Variants in ANKRD29 observed in about 807,000 individuals in gnomAD.
ANKRD29 encodes ankyrin repeat domain-containing protein 29.
In ANKRD29, 32 loss-of-function variants were observed where a neutral mutation model predicts 38.0. The observed-to-expected ratio is 0.84, with a 90% CI of 0.64 to 1.13. The LOEUF is 1.13. Among genes scored for constraint, ANKRD29 ranks in the 50% most tolerant of loss-of-function variants. ANKRD29 has a pLI of 0.00. For missense variants in ANKRD29, 357 were observed against 377.9 expected (o/e 0.94, Z 0.46); for synonymous variants, 135 against 152.4 (o/e 0.89, Z 0.84).
At chr18:23,628,406 G>T (rs763119808) in intron 6 of ANKRD29, among the ~76,000 whole-genome samples, 24 of 152,182 alleles carry the variant, frequency 1.6e-4, no homozygotes, top group Non-Finnish European at 2.9e-4. Flanking sequence ...TATTCATTAT[G>T]TGAACACAGA....
chr18:23,619,741 C>T, intron 6 of ANKRD29, 112 bp from the exon 7 acceptor site: 1 of 838,446 alleles, frequency 1.2e-6, no homozygotes, highest in Non-Finnish European at 1.8e-6. Flanking sequence ...AAGGCACTCC[C>T]TGACCGCAGA....
intron 8 of ANKRD29, among the ~76,000 whole-genome samples, chr18:23,613,416 C>T (rs1281415480): frequency 2.0e-5 from 3 of 151,872 alleles, no homozygotes; most frequent in African/African-American, 4.8e-5. Context: ...AGGTGTTTTG[C>T]CCACCTCAGC....
At chr18:23,614,268 G>A (rs2145646678) in intron 8 of ANKRD29, among the ~76,000 whole-genome samples, 1 of 152,062 alleles carries the variant, frequency 6.6e-6, no homozygotes, top group East Asian at 1.9e-4. Flanking sequence ...CACCACATTG[G>A]CCAAGCTGGT....
At chr18:23,612,283 G>T in intron 8 of ANKRD29, 93 bp from the exon 9 acceptor site, 1 of 1,126,786 alleles carries the variant, frequency 8.9e-7, no homozygotes, top group Non-Finnish European at 1.3e-6. Flanking sequence ...TGATAAGACT[G>T]TAACCTCATA....
chr18:23,662,741 G>A lies in ANKRD29; in HGVS notation c.-11C>T. ...GGACATCCTGCACATGTCCGCGGCC[G>A]CCCGAGCGGGAGCCGGCGCGCTTTG... is the stretch of plus-strand genomic sequence containing the variant. On this transcript the variant is annotated 5_prime_UTR_variant, in exon 1 of 10. Coordinates refer to ENST00000592179, the MANE Select transcript of ANKRD29 (RefSeq NM_173505.4). 1 of 1,462,652 alleles carries A rather than the reference G, an allele frequency of 6.8e-7. No individual in the cohort carries two copies. Among genetic ancestry groups the A allele is most frequent in the Non-Finnish European group, 9.0e-7 (1 of 1,110,908 alleles). 90.6% of individuals were successfully genotyped at this position (1,462,652 alleles called of 1,614,324 possible).
At chr18:23,632,262 T>C (rs952696259) in intron 5 of ANKRD29, among the ~76,000 whole-genome samples, 1 of 152,056 alleles carries the variant, frequency 6.6e-6, no homozygotes, top group Admixed American at 6.6e-5. Context: ...TTTTTAACTC[T>C]CAGGAATTTT....
chr18:23,631,102 A>G (rs2059926329), intron 5 of ANKRD29, among the ~76,000 whole-genome samples: 1 of 152,028 alleles, frequency 6.6e-6, no homozygotes, highest in Non-Finnish European at 1.5e-5. Flanking sequence ...TGCAAGAATT[A>G]AGATACAATA....
At chr18:23,629,973 G>A (rs375135971) in intron 5 of ANKRD29, 22 bp from the exon 6 acceptor site, 7 of 1,588,186 alleles carry the variant, frequency 4.4e-6, no homozygotes, top group Non-Finnish European at 6.0e-6. Flanking sequence ...CAAATTAAAA[G>A]CATTAAAAAC....
intron 1 of ANKRD29, among the ~76,000 whole-genome samples, chr18:23,651,342 G>A (rs1044503968): frequency 6.6e-6 from 1 of 152,212 alleles, no homozygotes; most frequent in African/African-American, 2.4e-5. Context: ...AAGGCAAACT[G>A]CAACCATGGT....
intron 4 of ANKRD29, 65 bp downstream of exon 4, chr18:23,638,784 G>T: frequency 1.5e-6 from 2 of 1,302,446 alleles, no homozygotes; most frequent in Non-Finnish European, 2.1e-6. Flanking sequence ...TAGATGAGGA[G>T]AAAAGCAATA....
At chr18:23,610,065 A>G (rs2059621230) in intron 9 of ANKRD29, among the ~76,000 whole-genome samples, 1 of 152,242 alleles carries the variant, frequency 6.6e-6, no homozygotes, top group Non-Finnish European at 1.5e-5. Context: ...TTATTAAAAA[A>G]AAATTTAACA....
intron 3 of ANKRD29, among the ~76,000 whole-genome samples, chr18:23,645,270 G>C (rs1320857670): frequency 6.6e-6 from 1 of 152,130 alleles, no homozygotes; most frequent in Non-Finnish European, 1.5e-5. Flanking sequence ...TATGGATGGA[G>C]CTTTCTCAGA....
In ANKRD29 at chr18:23,600,521, C is replaced by T. The variant is rs2298701; in HGVS notation, c.*705G>A. On this transcript the variant is annotated 3_prime_UTR_variant, in exon 10 of 10. Coordinates refer to ENST00000592179, the MANE Select transcript of ANKRD29 (RefSeq NM_173505.4). ...ATTTGCCACTGGTATTTTAACCTAC[C>T]TACAATGTTGACTCTACGTAAAATT... is the stretch of plus-strand genomic sequence containing the variant. 2,498 of 152,616 alleles carry T rather than the reference C, an allele frequency of 0.016. 100 individuals carry two copies. Among genetic ancestry groups the T allele is most frequent in the East Asian group, 0.16 (847 of 5,176 alleles). The allele number at this position is 152,616 out of a possible 1,614,324, so 9.5% of individuals were successfully genotyped here.
In ANKRD29 at chr18:23,661,931, T is replaced by A. The variant is rs143677357; in HGVS notation, c.21+779A>T. Among the ~76,000 whole-genome samples, 1,271 of 151,108 alleles carry A rather than the reference T, an allele frequency of 8.4e-3. 6 individuals carry two copies. Among genetic ancestry groups the A allele is most frequent in the Middle Eastern group, 0.014 (4 of 294 alleles). ...CAACGGGATTACAGTGGCTTAGGAGTCAGACACACTTGGGTTTCAGTCTTA... is the reference window on the plus strand; with the variant it reads ...CAACGGGATTACAGTGGCTTAGGAGACAGACACACTTGGGTTTCAGTCTTA... On this transcript the variant is annotated intron_variant, in intron 1 of 9. Coordinates refer to ENST00000592179, the MANE Select transcript of ANKRD29 (RefSeq NM_173505.4).
chr18:23,609,580 T>C (rs1033647547), intron 9 of ANKRD29, among the ~76,000 whole-genome samples: 9 of 152,216 alleles, frequency 5.9e-5, no homozygotes, highest in Non-Finnish European at 8.8e-5. Flanking sequence ...TTACACTTGC[T>C]TGGATTCAGG....
intron 7 of ANKRD29, chr18:23,618,872 A>C (rs1230043162): frequency 3.3e-5 from 5 of 151,146 alleles, no homozygotes; most frequent in Non-Finnish European, 7.4e-5. Flanking sequence ...GAAGAAGAAG[A>C]GTGAGAGAGA....
intron 1 of ANKRD29, among the ~76,000 whole-genome samples, chr18:23,656,795 G>A (rs2060289748): frequency 6.6e-6 from 1 of 152,178 alleles, no homozygotes; most frequent in Admixed American, 6.5e-5. Flanking sequence ...GATGGGAGGT[G>A]GATAGAAGAA....
At chr18:23,619,430 G>A in intron 7 of ANKRD29, 101 bp downstream of exon 7, 1 of 1,149,258 alleles carries the variant, frequency 8.7e-7, no homozygotes, top group Non-Finnish European at 1.2e-6. Context: ...AAGGAGGTTG[G>A]GAGGAAACCC....
intron 1 of ANKRD29, among the ~76,000 whole-genome samples, chr18:23,659,696 T>A (rs2060331016): frequency 6.7e-6 from 1 of 149,696 alleles, no homozygotes; most frequent in African/African-American, 2.5e-5. Flanking sequence ...TGAGCTGAGA[T>A]CGTGCCACTG....
Sources: allele counts gnomAD v4.1 joint callset (sites outside exome capture counted in the v4.1 genomes callset), GRCh38; gene constraint gnomAD v4.1.1; transcripts MANE v1.5; gene names NCBI Gene and HGNC (gene_info 2026-07-23, HGNC 2026-07-21).